The following ANKS1B variants were observed in gnomAD, a reference collection of about 807,000 sequenced individuals.
ANKS1B encodes ankyrin repeat and sterile alpha motif domain containing 1B.
ANKS1B carries 36 observed loss-of-function variants against 148.3 expected under a neutral mutation model. That is an observed-to-expected ratio of 0.24 (90% CI 0.19 to 0.32). The LOEUF (loss-of-function observed/expected upper bound fraction) is 0.32. Ranked by LOEUF, ANKS1B falls within the 10% of genes least tolerant of loss-of-function variation. The pLI is 1.00. For missense variants in ANKS1B, 1,157 were observed against 1,542.6 expected (o/e 0.75, Z 4.19); for synonymous variants, 542 against 560.8 (o/e 0.97, Z 0.47).
intron 1 of ANKS1B, among the ~76,000 whole-genome samples, chr12:99,828,855 C>T (rs547594532): frequency 1.3e-4 from 20 of 152,000 alleles, no homozygotes; most frequent in South Asian, 6.2e-4. Flanking sequence ...TGGTGGCGCA[C>T]GCCTGTAGTC....
In ANKS1B at chr12:99,569,493, T is replaced by C. The variant is rs561539320; in HGVS notation, c.1273-64852A>G. On this transcript the variant is annotated intron_variant, in intron 9 of 26. Coordinates refer to ENST00000683438, the MANE Select transcript of ANKS1B (RefSeq NM_001352186.2). ...TAAAATACCCGGCACATAAAAGCAC[T>C]TAATATCTTTCCTACTTGGGAAAAA... Among the ~76,000 whole-genome samples, 13 of 152,342 alleles carry C rather than the reference T, an allele frequency of 8.5e-5. No homozygotes were observed. The South Asian group carries it at 2.5e-3, about 29-fold the overall frequency.
chr12:99,339,860 A>C (rs2152324342), intron 12 of ANKS1B, among the ~76,000 whole-genome samples: 1 of 152,240 alleles, frequency 6.6e-6, no homozygotes, highest in South Asian at 2.1e-4. Context: ...ACAGAAACTG[A>C]GACTCTGCGT....
At chr12:99,957,883 T>C (rs1324769106) in intron 1 of ANKS1B, among the ~76,000 whole-genome samples, 1 of 152,222 alleles carries the variant, frequency 6.6e-6, no homozygotes, top group Non-Finnish European at 1.5e-5. Context: ...CTGAATGCTG[T>C]ATATGTTCTA....
intron 9 of ANKS1B, among the ~76,000 whole-genome samples, chr12:99,646,648 A>G (rs12306784): frequency 1.3e-4 from 15 of 115,224 alleles, no homozygotes; most frequent in Middle Eastern, 5.0e-3. Flanking sequence ...GTGAGACTCC[A>G]TCTCAAAAAA....
At chr12:99,357,922 T>C (rs1021759326) in intron 12 of ANKS1B, among the ~76,000 whole-genome samples, 2 of 152,140 alleles carry the variant, frequency 1.3e-5, no homozygotes, top group Non-Finnish European at 2.9e-5. Context: ...ATTTTTTTCA[T>C]AACATATTGC....
intron 15 of ANKS1B, among the ~76,000 whole-genome samples, chr12:99,103,374 C>G (rs1298999099): frequency 2.6e-5 from 4 of 152,056 alleles, no homozygotes. Context: ...TTGAGGTTAC[C>G]CATCATGAAC....
At chr12:99,411,583 T>A (rs2094708896) in intron 11 of ANKS1B, among the ~76,000 whole-genome samples, 1 of 152,226 alleles carries the variant, frequency 6.6e-6, no homozygotes, top group East Asian at 1.9e-4. Flanking sequence ...GGATATTTTG[T>A]GTGATACATA....
At chr12:98,842,179 G>C (rs201394) in intron 17 of ANKS1B, among the ~76,000 whole-genome samples, 1 of 151,948 alleles carries the variant, frequency 6.6e-6, no homozygotes, top group African/African-American at 2.4e-5. Flanking sequence ...CCAAATGTCC[G>C]ATCAACTGGT....
intron 12 of ANKS1B, among the ~76,000 whole-genome samples, chr12:99,364,725 T>A (rs1031213816): frequency 2.0e-5 from 3 of 152,330 alleles, no homozygotes; most frequent in African/African-American, 7.2e-5. Flanking sequence ...CTGATGGTAG[T>A]TTTATATCAT....
chr12:99,351,086 A>T (rs1322550241), intron 12 of ANKS1B, among the ~76,000 whole-genome samples: 1 of 152,132 alleles, frequency 6.6e-6, no homozygotes, highest in Non-Finnish European at 1.5e-5. Context: ...CTAGAATGTA[A>T]GTATTTTGGA....
At chr12:98,809,466 G>C (rs1271756827) in intron 19 of ANKS1B, among the ~76,000 whole-genome samples, 1 of 152,026 alleles carries the variant, frequency 6.6e-6, no homozygotes, top group African/African-American at 2.4e-5. Flanking sequence ...TTAATCTAGT[G>C]CTAGAAGTGC....
intron 12 of ANKS1B, among the ~76,000 whole-genome samples, chr12:99,387,264 C>T (rs983247255): frequency 6.6e-6 from 1 of 152,128 alleles, no homozygotes; most frequent in Admixed American, 6.5e-5. Flanking sequence ...AGGAGTGGGG[C>T]ACTTGGGAGG....
intron 17 of ANKS1B, among the ~76,000 whole-genome samples, chr12:98,886,729 A>G (rs894406454): frequency 2.6e-5 from 4 of 152,318 alleles, no homozygotes; most frequent in Admixed American, 1.3e-4. Flanking sequence ...AATCACCTAC[A>G]AAGGGTGGCC....
rs144189300 is a variant in ANKS1B at position 99,651,280 on chromosome 12, C to T, written c.1272+3787G>A. 4.3e-3 allele frequency among the ~76,000 whole-genome samples: 655 copies of T among 152,208 alleles called. 7 individuals carry two copies. Among genetic ancestry groups the T allele is most frequent in the African/African-American group, 0.015 (605 of 41,538 alleles). On this transcript the variant is annotated intron_variant, in intron 9 of 26. Transcript: ENST00000683438. Reference sequence around the variant, plus strand: ...TCACAGGTTAGATGTTCTAGCTTTGCGAATTTCAAGGTTACATTACTGAGA... The same window carrying T: ...TCACAGGTTAGATGTTCTAGCTTTGTGAATTTCAAGGTTACATTACTGAGA...
intron 17 of ANKS1B, among the ~76,000 whole-genome samples, chr12:99,018,049 G>A (rs7954989): frequency 0.27 from 41,090 of 152,030 alleles, 5,918 homozygotes; most frequent in South Asian, 0.38. Context: ...AAGCTGGCTC[G>A]ATAAACCTTG....
chr12:99,059,310 G>A (rs945234883), intron 16 of ANKS1B, among the ~76,000 whole-genome samples: 2 of 152,144 alleles, frequency 1.3e-5, no homozygotes, highest in African/African-American at 4.8e-5. Flanking sequence ...TCTCACATAT[G>A]GCAAGCATAT....
At chr12:99,095,190 T>A (rs2055557501) in intron 15 of ANKS1B, among the ~76,000 whole-genome samples, 2 of 152,172 alleles carry the variant, frequency 1.3e-5, no homozygotes, top group African/African-American at 4.8e-5. Context: ...ATGTTCAGAC[T>A]CCATGGACCC....
chr12:99,106,100 G>A lies in ANKS1B; in HGVS notation c.2527-21077C>T, dbSNP rs183361104. Among the ~76,000 whole-genome samples, 433 of 152,240 alleles carry A rather than the reference G, an allele frequency of 2.8e-3. 4 individuals carry two copies. The highest frequency in any genetic ancestry group is 9.8e-3 in the African/African-American group (408 of 41,550). On this transcript the variant is annotated intron_variant, in intron 15 of 26. Coordinates refer to ENST00000683438, the MANE Select transcript of ANKS1B (RefSeq NM_001352186.2). The stretch of plus-strand genomic sequence containing the variant: ...ATCCTTTACTAGGGATCTCTGCAAG[G>A]GCTCAGATCTCTACTTCAATAGAAA...
Position 99,893,366 on chromosome 12 carries a change from G to A in ANKS1B, c.135-67977C>T, listed in dbSNP as rs375411720. 8.7e-5 allele frequency among the ~76,000 whole-genome samples: 13 copies of A among 148,642 alleles called. 1 individual carries two copies. The East Asian group carries it at 9.9e-4, about 11-fold the overall frequency. ...GCAGAGCTTGCAGTGAGCCGAGATC[G>A]CGCCACTGCACTCCAGCCTGGGAGA... On this transcript the variant is annotated intron_variant, in intron 1 of 26. Transcript: ENST00000683438.
Sources: allele counts gnomAD v4.1 joint callset (sites outside exome capture counted in the v4.1 genomes callset), GRCh38; gene constraint gnomAD v4.1.1; transcripts MANE v1.5; gene names NCBI Gene and HGNC (gene_info 2026-07-23, HGNC 2026-07-21).